Variants in CHST15 observed in about 807,000 individuals in gnomAD.
CHST15 encodes carbohydrate sulfotransferase 15.
CHST15 carries 30 observed loss-of-function variants against 53.6 expected under a neutral mutation model. That is an observed-to-expected ratio of 0.56 (90% CI 0.42 to 0.76). CHST15 has a LOEUF of 0.76. Among genes scored for constraint, CHST15 ranks in the 30% least tolerant of loss-of-function variants. The pLI is 0.00. For missense variants in CHST15, 627 were observed against 740.5 expected, an observed-to-expected ratio of 0.85 and a Z score of 1.78; for synonymous variants, 296 against 289.8, an observed-to-expected ratio of 1.02 and a Z score of -0.22.
At chr10:124,035,375 G>A (rs1947448075) in intron 5 of CHST15, among the ~76,000 whole-genome samples, 1 of 148,546 alleles carries the variant, frequency 6.7e-6, no homozygotes. Flanking sequence ...CCCTAACAGG[G>A]ACCCTGGCTC....
intron 1 of CHST15, among the ~76,000 whole-genome samples, chr10:124,093,254 G>GCCACCGCCACCGCCA (rs550092888): frequency 0.011 from 1,616 of 151,606 alleles, 39 homozygotes; most frequent in African/African-American, 0.038. Flanking sequence ...GGCCGCCGCC[G>GCCACCGCCACCGCCA]CCACCGCCAC....
At chr10:124,028,329 G>GT (rs1214309073) in intron 5 of CHST15, among the ~76,000 whole-genome samples, 1 of 152,170 alleles carries the variant, frequency 6.6e-6, no homozygotes, top group African/African-American at 2.4e-5. Flanking sequence ...TGATGATGTG[G>GT]TTGTTCATCG....
chr10:124,067,890 C>T (rs576930179), intron 1 of CHST15, among the ~76,000 whole-genome samples: 1 of 152,342 alleles, frequency 6.6e-6, no homozygotes, highest in East Asian at 1.9e-4. Flanking sequence ...GCTGGGATTA[C>T]AGGCGGGAGC....
At chr10:124,015,229 C>T (rs372379889) in intron 6 of CHST15, among the ~76,000 whole-genome samples, 1 of 152,110 alleles carries the variant, frequency 6.6e-6, no homozygotes, top group African/African-American at 2.4e-5. Flanking sequence ...TTTCCCCTCA[C>T]CTTTTCCCGG....
intron 1 of CHST15, among the ~76,000 whole-genome samples, chr10:124,062,435 C>T (rs1019952110): frequency 6.6e-6 from 1 of 152,190 alleles, no homozygotes; most frequent in Admixed American, 6.5e-5. Context: ...AACCCCTTAC[C>T]GGCTGTGTGC....
intron 6 of CHST15, among the ~76,000 whole-genome samples, chr10:124,013,332 A>G (rs4929799): frequency 0.52 from 79,711 of 151,936 alleles, 21,134 homozygotes; most frequent in East Asian, 0.6. Context: ...ATGTGACGGA[A>G]CCCTAGTAAA....
intron 1 of CHST15, among the ~76,000 whole-genome samples, chr10:124,084,863 CT>C (rs1431028462): frequency 1.3e-5 from 2 of 152,184 alleles, no homozygotes; most frequent in Admixed American, 6.5e-5. Context: ...AGCCAGGCCC[CT>C]GATGATACCC....
At chr10:124,028,015 G>A (rs1028903845) in intron 5 of CHST15, among the ~76,000 whole-genome samples, 14 of 152,200 alleles carry the variant, frequency 9.2e-5, no homozygotes, top group Non-Finnish European at 8.8e-5. Flanking sequence ...GGAAGAGAAA[G>A]TCAATTCTTC....
chr10:124,045,146 T>C (rs1045129526), intron 2 of CHST15, among the ~76,000 whole-genome samples: 17 of 52,190 alleles, frequency 3.3e-4, no homozygotes, highest in South Asian at 1.4e-3. Flanking sequence ...AAAAAAAAAC[T>C]TGGAGAGAAT....
chr10:124,044,651 C>T lies in CHST15; in HGVS notation c.815G>A (p.Arg272His). The change falls in exon 3 of 8, where the codon CGC (arginine) becomes CAC (histidine). Residue 272 changes from arginine to histidine, a missense_variant. Around this residue, in one of 3 missense-constraint regions of CHST15, gnomAD observed 161 missense variants for 117.2 expected, o/e 1.37. Transcript: ENST00000435907. ...CTTGACCTCAGGGTGCAGCCGCAGG[C>T]GGTCATAGAGGTCTGTGGTCCCGCA... ...PKCGTTDLYD[R>H]LRLHPEVKFS... 1 of 1,605,858 alleles carries T rather than the reference C, an allele frequency of 6.2e-7. No homozygotes were observed. The highest frequency in any genetic ancestry group is 1.1e-5 in the South Asian group (1 of 90,498).
At position 124,078,582 on chromosome 10, in the gene CHST15, G is replaced by A. The variant is rs983769834; in HGVS notation, c.-513+14887C>T. On this transcript the variant is annotated intron_variant, in intron 1 of 7. Transcript: ENST00000435907. ...TCACCTCTGTGCACCCATCAGAGAC[G>A]ATGCACCCATAGAGCGCCATGTGGA... Among the ~76,000 whole-genome samples the A allele has an allele frequency of 9.2e-5, 14 of 152,304 alleles. No individual in the cohort carries two copies. In the East Asian group the frequency reaches 1.9e-3, roughly 21 times the overall value.
intron 5 of CHST15, among the ~76,000 whole-genome samples, chr10:124,028,736 G>T (rs111554445): frequency 2.0e-5 from 3 of 152,334 alleles, no homozygotes; most frequent in African/African-American, 7.2e-5. Context: ...CTTGAGCTCT[G>T]ACATGTCCTC....
chr10:124,069,322 T>C (rs1474906104), intron 1 of CHST15, among the ~76,000 whole-genome samples: 1 of 152,126 alleles, frequency 6.6e-6, no homozygotes, highest in Non-Finnish European at 1.5e-5. Context: ...AGCCAGGAAA[T>C]TCAAGAGTCT....
intron 1 of CHST15, among the ~76,000 whole-genome samples, chr10:124,080,486 T>C (rs1949200187): frequency 1.3e-5 from 2 of 152,212 alleles, no homozygotes; most frequent in African/African-American, 4.8e-5. Context: ...CCTGTCTCTC[T>C]CCATGAGGAT....
intron 1 of CHST15, among the ~76,000 whole-genome samples, chr10:124,056,321 CA>C (rs2134070318): frequency 6.6e-6 from 1 of 152,332 alleles, no homozygotes; most frequent in East Asian, 1.9e-4. Flanking sequence ...TCCCAGGAGG[CA>C]GCTGATGGGA....
At chr10:124,091,814 T>G (rs1036199859) in intron 1 of CHST15, among the ~76,000 whole-genome samples, 6 of 152,146 alleles carry the variant, frequency 3.9e-5, no homozygotes, top group African/African-American at 1.4e-4. Context: ...CTTCGAAGAC[T>G]TCCCTACACT....
At chr10:124,050,713 T>C in intron 1 of CHST15, among the ~76,000 whole-genome samples, 1 of 152,116 alleles carries the variant, frequency 6.6e-6, no homozygotes, top group Non-Finnish European at 1.5e-5. Context: ...AGGAGAAACC[T>C]GAACAAGAAG....
chr10:124,060,206 C>T (rs890408664), intron 1 of CHST15, among the ~76,000 whole-genome samples: 4 of 150,686 alleles, frequency 2.7e-5, no homozygotes, highest in African/African-American at 7.3e-5. Context: ...AACCCTCCCC[C>T]GTGTGTGCTG....
At chr10:124,045,612 A>G (rs773099312) in intron 2 of CHST15, 55 bp downstream of exon 2, 22 of 1,461,466 alleles carry the variant, frequency 1.5e-5, no homozygotes, top group Non-Finnish European at 2.0e-5. Context: ...TAGAAAGAAA[A>G]GCACTCATTT....
Sources: gnomAD v4.1 joint callset for allele counts (sites outside exome capture counted in the v4.1 genomes callset) on GRCh38, gnomAD v4.1.1 for gene constraint, gnomAD v4.1.1 regional missense constraint, MANE v1.5 for transcripts, NCBI Gene and HGNC (gene_info 2026-07-23, HGNC 2026-07-21) for gene names.